STAC: variants seen among roughly 807,000 people sequenced by gnomAD.
STAC encodes the protein SH3 and cysteine rich domain, also known as SH3 and cysteine-rich domain-containing protein.
A neutral mutation model predicts 48.8 loss-of-function variants in STAC; 43 were observed. The ratio of observed to expected loss-of-function variants is 0.88; its 90% CI spans 0.69 to 1.14. The LOEUF (loss-of-function observed/expected upper bound fraction) is 1.14, where lower values mean the gene tolerates loss of function less well. Ranked by LOEUF, STAC falls within the 50% of genes most tolerant of loss-of-function variation. STAC has a pLI of 0.00. For missense variants in STAC, 497 were observed against 504.0 expected (o/e 0.99, Z 0.13); for synonymous variants, 193 against 179.5 (o/e 1.07, Z -0.60).
chr3:36,424,295 A>C (rs1700514923), intron 1 of STAC, among the ~76,000 whole-genome samples: 1 of 151,724 alleles, frequency 6.6e-6, no homozygotes, highest in South Asian at 2.1e-4. Flanking sequence ...CCTCTAGTAT[A>C]GTTTAAAGGA....
intron 8 of STAC, among the ~76,000 whole-genome samples, chr3:36,519,304 G>C (rs574788254): frequency 6.6e-6 from 1 of 152,308 alleles, no homozygotes; most frequent in Admixed American, 6.5e-5. Context: ...CTTAGTGAAT[G>C]GACGCTTGGC....
intron 1 of STAC, among the ~76,000 whole-genome samples, chr3:36,420,625 G>C (rs887539112): frequency 4.6e-5 from 7 of 152,206 alleles, no homozygotes; most frequent in African/African-American, 1.7e-4. Flanking sequence ...CTGATAATCT[G>C]AGGTGGAACA....
At chr3:36,475,653 C>G (rs551336333) in intron 2 of STAC, among the ~76,000 whole-genome samples, 7 of 152,148 alleles carry the variant, frequency 4.6e-5, no homozygotes, top group Non-Finnish European at 8.8e-5. Context: ...ATGGTGAAAA[C>G]TCATTCTATA....
chr3:36,438,805 G>GC (rs1696231186), intron 1 of STAC, among the ~76,000 whole-genome samples: 1 of 152,194 alleles, frequency 6.6e-6, no homozygotes. Flanking sequence ...AAGCACATGA[G>GC]CACAGGAGGG....
At chr3:36,401,604 A>G (rs573941409) in intron 1 of STAC, among the ~76,000 whole-genome samples, 1 of 152,304 alleles carries the variant, frequency 6.6e-6, no homozygotes, top group East Asian at 1.9e-4. Flanking sequence ...GGCACCTGGG[A>G]ACCTGCTTCC....
At chr3:36,542,797 A>G (rs745657663) in intron 10 of STAC, among the ~76,000 whole-genome samples, 5 of 152,216 alleles carry the variant, frequency 3.3e-5, no homozygotes, top group Admixed American at 1.3e-4. Flanking sequence ...TGATTTCTCA[A>G]TAAATGTCAG....
At chr3:36,398,464 GA>G (rs1699920283) in intron 1 of STAC, among the ~76,000 whole-genome samples, 1 of 89,480 alleles carries the variant, frequency 1.1e-5, no homozygotes, top group Admixed American at 1.1e-4. Flanking sequence ...AGGAAGGAAG[GA>G]AGGAAGGAAG....
chr3:36,415,536 G>T (rs1700300320), intron 1 of STAC, among the ~76,000 whole-genome samples: 1 of 152,200 alleles, frequency 6.6e-6, no homozygotes, highest in South Asian at 2.1e-4. Context: ...TTTTCCAGGT[G>T]CCATCTGTCA....
At chr3:36,386,139 G>A (rs956380852) in intron 1 of STAC, among the ~76,000 whole-genome samples, 3 of 151,848 alleles carry the variant, frequency 2.0e-5, no homozygotes, top group African/African-American at 4.8e-5. Context: ...TGCTACCATC[G>A]TTTCATATTA....
chr3:36,525,250 A>G (rs555249055), intron 8 of STAC, among the ~76,000 whole-genome samples: 1 of 152,324 alleles, frequency 6.6e-6, no homozygotes, highest in South Asian at 2.1e-4. Flanking sequence ...ATAAATGGAT[A>G]AATAAATCAC....
intron 6 of STAC, among the ~76,000 whole-genome samples, chr3:36,502,091 C>T (rs1265215653): frequency 1.3e-5 from 2 of 152,054 alleles, no homozygotes; most frequent in Non-Finnish European, 2.9e-5. Flanking sequence ...TTGGGCCTCA[C>T]AGGTCTGCAA....
intron 1 of STAC, among the ~76,000 whole-genome samples, chr3:36,402,282 A>G (rs1024941463): frequency 6.6e-6 from 1 of 152,158 alleles, no homozygotes; most frequent in Non-Finnish European, 1.5e-5. Flanking sequence ...AAGTAGAAAC[A>G]AGACATGGAG....
intron 5 of STAC, among the ~76,000 whole-genome samples, chr3:36,489,299 A>C (rs910366008): frequency 2.0e-5 from 3 of 152,236 alleles, no homozygotes; most frequent in Non-Finnish European, 4.4e-5. Context: ...GTGAAGAATG[A>C]GGAAGAATTA....
At chr3:36,527,163 C>G (rs918348047) in intron 8 of STAC, among the ~76,000 whole-genome samples, 6 of 151,830 alleles carry the variant, frequency 4.0e-5, no homozygotes, top group African/African-American at 1.5e-4. Context: ...AAGAGATAAC[C>G]AAGAAACATT....
At chr3:36,458,575 G>A (rs1448467464) in intron 2 of STAC, among the ~76,000 whole-genome samples, 2 of 152,132 alleles carry the variant, frequency 1.3e-5, no homozygotes. Context: ...TTCCAGCTCT[G>A]CGTGAAGGAA....
intron 1 of STAC, among the ~76,000 whole-genome samples, chr3:36,426,754 A>G (rs1025870407): frequency 2.0e-5 from 3 of 152,186 alleles, no homozygotes; most frequent in Non-Finnish European, 2.9e-5. Context: ...TAGGGTCACT[A>G]GTTTATTAAG....
At chr3:36,401,104 T>C (rs1699991211) in intron 1 of STAC, among the ~76,000 whole-genome samples, 1 of 152,348 alleles carries the variant, frequency 6.6e-6, no homozygotes, top group South Asian at 2.1e-4. Flanking sequence ...ATTTTGAAAC[T>C]ACTCAGGAGT....
At chr3:36,438,459 C>T (rs958097710) in intron 1 of STAC, among the ~76,000 whole-genome samples, 1 of 152,190 alleles carries the variant, frequency 6.6e-6, no homozygotes, top group African/African-American at 2.4e-5. Flanking sequence ...GGGTTTGCTT[C>T]TATTTCTGCA....
Position 36,423,441 on chromosome 3 carries a change from G to A in STAC, c.112-19923G>A, listed in dbSNP as rs574807046. On this transcript the variant is annotated intron_variant, in intron 1 of 10. Transcript: ENST00000273183. ...CAATAAGAAATAAATTAAATCTCCC[G>A]TGCTACTAGATACATATAATAAAAA... is the stretch of plus-strand genomic sequence containing the variant. Among the ~76,000 whole-genome samples, 16 of 150,590 alleles carry A rather than the reference G, an allele frequency of 1.1e-4. 1 individual carries two copies. The highest frequency in any genetic ancestry group is 1.3e-4 in the Non-Finnish European group (9 of 67,750).
Sources: allele counts gnomAD v4.1 joint callset (sites outside exome capture counted in the v4.1 genomes callset), GRCh38; gene constraint gnomAD v4.1.1; transcripts MANE v1.5; gene names NCBI Gene and HGNC (gene_info 2026-07-23, HGNC 2026-07-21).